ASB2: variants seen among roughly 807,000 people sequenced by gnomAD.
The protein encoded by ASB2 is ankyrin repeat and SOCS box protein 2.
Under a neutral mutation model 62.4 loss-of-function variants are expected in ASB2, and 58 were observed. The observed-to-expected ratio is 0.93, with a 90% CI of 0.75 to 1.16. ASB2 has a LOEUF of 1.16. ASB2 is among the 50% of genes most tolerant of loss of function. ASB2 has a pLI of 0.00. For missense variants in ASB2, 928 were observed against 887.9 expected (o/e 1.05, Z -0.57); for synonymous variants, 386 against 385.3 (o/e 1.00, Z -0.02).
chr14:93,943,822 T>C, intron 7 of ASB2: 2 of 400,048 alleles, frequency 5.0e-6, no homozygotes, highest in South Asian at 3.8e-5. Context: ...AACTTGCTTG[T>C]CAGTGTGCTT....
intron 3 of ASB2, among the ~76,000 whole-genome samples, chr14:93,954,757 C>G (rs1274001056): frequency 6.6e-6 from 1 of 152,250 alleles, no homozygotes; most frequent in East Asian, 1.9e-4. Context: ...GGTGGCTAAC[C>G]ACCCACATGT....
chr14:93,957,007 G>A (rs935153596), intron 2 of ASB2, 137 bp from the exon 3 acceptor site: 24 of 1,540,132 alleles, frequency 1.6e-5, no homozygotes, highest in Non-Finnish European at 1.9e-5. Flanking sequence ...CTGAACCAAA[G>A]CAGATGGCCG....
rs1205256882 is a variant in ASB2, at chr14:93,951,680, TGG to T, written c.635-438_635-437del. Among the ~76,000 whole-genome samples, 27 of 152,336 alleles carry T rather than the reference TGG, an allele frequency of 1.8e-4. 1 individual carries two copies. The East Asian group carries it at 4.8e-3, about 27-fold the overall frequency. ...AGTCAGGCTGAAGGTCTCTGTCCCC[TGG>T]GATGTCCCAGGATGTCCCTATCATT... On this transcript the variant is annotated intron_variant, in intron 5 of 9. Coordinates refer to ENST00000555019, the MANE Select transcript of ASB2 (RefSeq NM_001202429.2).
In ASB2 at chr14:93,953,424, G is replaced by A; in HGVS notation, c.562C>T (p.Leu188Phe). The A allele has an allele frequency of 1.2e-6, 2 of 1,609,172 alleles. No individual in the cohort carries two copies. Among genetic ancestry groups the A allele is most frequent in the Admixed American group, 1.7e-5 (1 of 59,920 alleles). ...LATCRGHLDC[L>F]LSLLQAGAEP... ...GCCCCTGCTTGGAGCAGTGACAGGA[G>A]ACAGTCCAGGTGGCCCCTGCACGTT... Residue 188 changes from leucine to phenylalanine, a missense_variant, in exon 5 of 10, where the codon CTC becomes TTC. Transcript: ENST00000555019.
rs1340303312 is a variant in ASB2 at position 93,939,163 on chromosome 14, G to A, written c.1562C>T (p.Pro521Leu). The change falls in exon 8 of 10, where the codon CCC becomes CTC. Residue 521 changes from proline to leucine, a missense_variant. Coordinates refer to ENST00000555019, the MANE Select transcript of ASB2 (RefSeq NM_001202429.2). ...GNGPHPPAPQ[P>L]SSRFNDAPAA... is the part of the protein sequence containing the mutation. ...GGGCGCGTCGTTGAACCTGCTGGAGGGCTGCGGGGCCGGCGGGTGCGGGCC... is the reference window on the plus strand; with the variant it reads ...GGGCGCGTCGTTGAACCTGCTGGAGAGCTGCGGGGCCGGCGGGTGCGGGCC... The A allele has an allele frequency of 6.3e-7, 1 of 1,590,452 alleles. No individual in the cohort carries two copies. The highest frequency in any genetic ancestry group is 8.6e-7 in the Non-Finnish European group (1 of 1,164,552).
intron 9 of ASB2, among the ~76,000 whole-genome samples, chr14:93,936,949 G>C (rs529244725): frequency 2.9e-4 from 44 of 152,348 alleles, no homozygotes; most frequent in African/African-American, 1.0e-3. Flanking sequence ...AGGGATTCTG[G>C]CTTCCTCAGC....
At chr14:93,946,502 A>G (rs1169572085) in intron 7 of ASB2, among the ~76,000 whole-genome samples, 1 of 152,154 alleles carries the variant, frequency 6.6e-6, no homozygotes, top group Admixed American at 6.5e-5. Context: ...ATATTCCCCC[A>G]TGGCCAATTT....
At chr14:93,940,701 C>A (rs991128866) in intron 7 of ASB2, among the ~76,000 whole-genome samples, 1 of 152,222 alleles carries the variant, frequency 6.6e-6, no homozygotes, top group Admixed American at 6.5e-5. Flanking sequence ...AGCCTGAGCT[C>A]CCTGCAACCA....
At chr14:93,972,894 T>C (rs1454874615) in intron 1 of ASB2, among the ~76,000 whole-genome samples, 1 of 152,138 alleles carries the variant, frequency 6.6e-6, no homozygotes, top group Non-Finnish European at 1.5e-5. Context: ...ACCCACACCA[T>C]CAGCTAAGGA....
At chr14:93,972,449 T>A (rs1016488257) in intron 1 of ASB2, among the ~76,000 whole-genome samples, 9 of 152,158 alleles carry the variant, frequency 5.9e-5, no homozygotes, top group Non-Finnish European at 1.3e-4. Context: ...TTGTCCTGTC[T>A]CCATCCAGGC....
Position 93,954,396 on chromosome 14 carries a change from C to T in ASB2, c.399G>A (p.Glu133=). The T allele has an allele frequency of 6.2e-7, 1 of 1,614,146 alleles. No individual in the cohort carries two copies. The highest frequency in any genetic ancestry group is 8.5e-7 in the Non-Finnish European group (1 of 1,179,976). The change falls in exon 4 of 10, where the codon GAG becomes GAA. Residue 133 remains glutamate, a synonymous_variant. Coordinates refer to ENST00000555019, the MANE Select transcript of ASB2 (RefSeq NM_001202429.2). The part of the protein sequence containing the change: ...TMIKEGKNLA[E]PNKEGWLPLH... ...GCGGCAGCCAGCCCTCCTTGTTGGG[C>T]TCTGCGAGATTCTTCCCTTCCTTGA...
At chr14:93,962,162 T>C (rs1218367515) in intron 2 of ASB2, among the ~76,000 whole-genome samples, 2 of 99,568 alleles carry the variant, frequency 2.0e-5, no homozygotes, top group African/African-American at 7.8e-5. Flanking sequence ...TCGCCCAGGC[T>C]GGAGTGCAGT....
At chr14:93,941,363 C>T (rs2141275788) in intron 7 of ASB2, 2 of 307,812 alleles carry the variant, frequency 6.5e-6, no homozygotes, top group East Asian at 2.1e-4. Flanking sequence ...GCAGGTGCCA[C>T]CAGGCCCATT....
intron 2 of ASB2, among the ~76,000 whole-genome samples, chr14:93,958,695 C>A (rs147037714): frequency 2.6e-5 from 4 of 152,264 alleles, no homozygotes; most frequent in African/African-American, 7.2e-5. Context: ...AGTGCCTGGT[C>A]CTGAGAAGGA....
In ASB2 at chr14:93,941,854, A is replaced by G. The variant is rs186011478; in HGVS notation, c.1053-2182T>C. ...TGGTGAATCATCTTACTGCGGCAGG[A>G]CTCTGCCAATCAGAAAGTGAATGTG... On this transcript the variant is annotated intron_variant, in intron 7 of 9. Transcript: ENST00000555019. Among the ~76,000 whole-genome samples the G allele has an allele frequency of 5.1e-4, 77 of 152,312 alleles. No homozygotes were observed. In the East Asian group the frequency reaches 0.013, roughly 26 times the overall value.
intron 6 of ASB2, among the ~76,000 whole-genome samples, chr14:93,950,535 G>A (rs1888913926): frequency 6.6e-6 from 1 of 152,204 alleles, no homozygotes; most frequent in African/African-American, 2.4e-5. Flanking sequence ...CCATAAAAGG[G>A]GGAGGTGATC....
At chr14:93,939,695 C>A in intron 7 of ASB2, 23 bp from the exon 8 acceptor site, 1 of 1,137,984 alleles carries the variant, frequency 8.8e-7, no homozygotes, top group Non-Finnish European at 1.1e-6. Context: ...GGGGCGGGCG[C>A]GGGTGAGGGG....
In ASB2 at chr14:93,970,942, C is replaced by T. The variant is rs148424070; in HGVS notation, c.-74+5492G>A. Among the ~76,000 whole-genome samples the T allele has an allele frequency of 3.7e-3, 570 of 152,278 alleles. 2 individuals carry two copies. Among genetic ancestry groups the T allele is most frequent in the African/African-American group, 0.013 (548 of 41,534 alleles). ...AGCCGGTGGCCCCTAAAAATCTGCT[C>T]GTGTTATTCCACAGGTCCCAAGATG... On this transcript the variant is annotated intron_variant, in intron 1 of 9. Transcript: ENST00000555019.
intron 3 of ASB2, chr14:93,955,178 C>A (rs1342046939): frequency 2.2e-6 from 1 of 456,502 alleles, no homozygotes; most frequent in Non-Finnish European, 4.4e-6. Flanking sequence ...GAGGCTTCTG[C>A]ATCAATAGTC....
Sources: allele counts gnomAD v4.1 joint callset (sites outside exome capture counted in the v4.1 genomes callset), GRCh38; gene constraint gnomAD v4.1.1; transcripts MANE v1.5; gene names NCBI Gene and HGNC (gene_info 2026-07-23, HGNC 2026-07-21).